FREM2: variants seen among roughly 807,000 people sequenced by gnomAD.
FREM2 encodes FRAS1-related extracellular matrix protein 2.
FREM2 carries 119 observed loss-of-function variants against 219.9 expected under a neutral mutation model. That is an observed-to-expected ratio of 0.54 (90% CI 0.47 to 0.63). The LOEUF is 0.63. Ranked by LOEUF, FREM2 falls within the 30% of genes least tolerant of loss-of-function variation. The pLI, the probability that FREM2 is intolerant of heterozygous loss-of-function variation, is 0.00. For missense variants in FREM2, 4,030 were observed against 3,993.6 expected (o/e 1.01, Z -0.25); for synonymous variants, 1,562 against 1,522.8 (o/e 1.03, Z -0.60).
intron 6 of FREM2, among the ~76,000 whole-genome samples, chr13:38,799,127 C>T (rs1418156855): frequency 6.6e-6 from 1 of 151,746 alleles, no homozygotes; most frequent in Non-Finnish European, 1.5e-5. Flanking sequence ...TATAAACTTC[C>T]CTCTTAGAGC....
chr13:38,733,662 T>A (rs1192835910), intron 2 of FREM2, among the ~76,000 whole-genome samples: 1 of 152,156 alleles, frequency 6.6e-6, no homozygotes, highest in Non-Finnish European at 1.5e-5. Context: ...TTTGTCTTAC[T>A]GTTTATTTTA....
chr13:38,793,859 A>G (rs1029819361), intron 6 of FREM2, among the ~76,000 whole-genome samples: 2 of 152,224 alleles, frequency 1.3e-5, no homozygotes, highest in African/African-American at 4.8e-5. Context: ...CTGAAGGATG[A>G]TGCTTTGGTT....
chr13:38,795,687 G>T (rs1188306615), intron 6 of FREM2, among the ~76,000 whole-genome samples: 3 of 152,044 alleles, frequency 2.0e-5, no homozygotes, highest in Non-Finnish European at 4.4e-5. Context: ...GAGCTAATTT[G>T]TTCTGTATAA....
intron 4 of FREM2, among the ~76,000 whole-genome samples, chr13:38,777,296 G>A (rs1036906611): frequency 3.3e-5 from 5 of 152,154 alleles, no homozygotes; most frequent in African/African-American, 4.8e-5. Flanking sequence ...GCAGTACTTC[G>A]TGTTGCTCTT....
intron 18 of FREM2, 145 bp from the exon 19 acceptor site, chr13:38,875,877 T>G: frequency 2.5e-6 from 2 of 790,766 alleles, no homozygotes; most frequent in African/African-American, 1.7e-5. Context: ...AGGAGGATAA[T>G]TATACTAACC....
rs1869487756 is a variant in FREM2, at chr13:38,687,165, C to T, written c.-180C>T. On this transcript the variant is annotated 5_prime_UTR_variant, in exon 1 of 24. Coordinates refer to ENST00000280481, the MANE Select transcript of FREM2 (RefSeq NM_207361.6). Reference sequence around the variant, plus strand: ...GAAGGCTTCGGCTCCTCGGCTGCGGCTCCAGCCCGGACGGCGCCGCGCAAC... The same window carrying T: ...GAAGGCTTCGGCTCCTCGGCTGCGGTTCCAGCCCGGACGGCGCCGCGCAAC... 4 of 829,456 alleles carry T rather than the reference C, an allele frequency of 4.8e-6. No individual in the cohort carries two copies. In the South Asian group the frequency reaches 7.0e-5, roughly 14 times the overall value. 51.4% of individuals were successfully genotyped at this position (829,456 alleles called of 1,614,324 possible).
intron 2 of FREM2, among the ~76,000 whole-genome samples, chr13:38,731,190 T>C (rs1454499197): frequency 1.3e-5 from 2 of 152,192 alleles, no homozygotes; most frequent in African/African-American, 4.8e-5. Flanking sequence ...TTCTAGAAAA[T>C]GTAGCCTGTG....
rs1472414449 is a variant in FREM2, at chr13:38,885,879, T to C, written c.*5092T>C. ...AAATATCACATGTATGTAGTTCTTT[T>C]GGATGACCGAATACCTTAAAATGAA... On this transcript the variant is annotated 3_prime_UTR_variant, in exon 24 of 24. Coordinates refer to ENST00000280481, the MANE Select transcript of FREM2 (RefSeq NM_207361.6). 6.6e-6 allele frequency: 1 copy of C among 152,228 alleles called. No homozygotes were observed. Among genetic ancestry groups the C allele is most frequent in the Non-Finnish European group, 1.5e-5 (1 of 68,032 alleles). 9.4% of individuals were successfully genotyped at this position (152,228 alleles called of 1,614,324 possible). A position where few individuals can be genotyped will look rare whatever the true frequency, so the allele number is the denominator to read the frequency against.
chr13:38,745,355 A>G (rs1872422274), intron 2 of FREM2, among the ~76,000 whole-genome samples: 1 of 152,160 alleles, frequency 6.6e-6, no homozygotes, highest in African/African-American at 2.4e-5. Flanking sequence ...CCTGAGACAC[A>G]TTTTGTTTAA....
intron 2 of FREM2, among the ~76,000 whole-genome samples, chr13:38,724,783 C>T (rs1249498801): frequency 1.3e-5 from 2 of 152,156 alleles, no homozygotes; most frequent in Non-Finnish European, 2.9e-5. Context: ...CTGCAGCACA[C>T]TAGCCCCCTA....
rs185086095 is a variant in FREM2, at chr13:38,827,386, T to C, written c.6020-19187T>C. On this transcript the variant is annotated intron_variant, in intron 6 of 23. Coordinates refer to ENST00000280481, the MANE Select transcript of FREM2 (RefSeq NM_207361.6). ...AATATTAATATTACATTAACTATGATGTTAAGTGGTGTGTTCTCACATACC... is the reference window on the plus strand; with the variant it reads ...AATATTAATATTACATTAACTATGACGTTAAGTGGTGTGTTCTCACATACC... The C allele has an allele frequency of 8.5e-5, 13 of 152,224 alleles. No homozygotes were observed. In the East Asian group the frequency reaches 2.1e-3, roughly 25 times the overall value. The allele number at this position is 152,224 out of a possible 1,614,324, so 9.4% of individuals were successfully genotyped here.
intron 2 of FREM2, among the ~76,000 whole-genome samples, chr13:38,762,917 A>T (rs993939713): frequency 1.3e-5 from 2 of 152,142 alleles, no homozygotes; most frequent in African/African-American, 4.8e-5. Flanking sequence ...CAACAATTTC[A>T]TATTTATTGT....
chr13:38,791,229 G>A (rs144167319), intron 6 of FREM2, among the ~76,000 whole-genome samples: 142 of 152,226 alleles, frequency 9.3e-4, no homozygotes, highest in African/African-American at 3.3e-3. Flanking sequence ...AAAACTCTTC[G>A]TCGATATGCT....
intron 6 of FREM2, among the ~76,000 whole-genome samples, chr13:38,792,459 T>C (rs2137840165): frequency 6.6e-6 from 1 of 152,326 alleles, no homozygotes; most frequent in South Asian, 2.1e-4. Context: ...TGGTATTAGT[T>C]ACCTGCAGTA....
At chr13:38,736,823 T>C (rs192110838) in intron 2 of FREM2, among the ~76,000 whole-genome samples, 3 of 152,352 alleles carry the variant, frequency 2.0e-5, no homozygotes, top group East Asian at 3.9e-4. Context: ...GTGTTAACTT[T>C]TAGTGAAAGA....
At chr13:38,769,502 CA>C in intron 3 of FREM2, 75 bp from the exon 4 acceptor site, 3 of 1,344,350 alleles carry the variant, frequency 2.2e-6, no homozygotes, top group Non-Finnish European at 3.1e-6. Context: ...AAATGACATG[CA>C]AAAAGTTAAC....
chr13:38,765,950 T>C (rs542963330), intron 3 of FREM2, among the ~76,000 whole-genome samples: 1 of 152,308 alleles, frequency 6.6e-6, no homozygotes, highest in South Asian at 2.1e-4. Flanking sequence ...TCTGTGCACA[T>C]GTGCACATCC....
chr13:38,864,622 A>G lies in FREM2; in HGVS notation c.7983+16A>G. 1.2e-6 allele frequency: 2 copies of G among 1,608,584 alleles called. No individual in the cohort carries two copies. Among genetic ancestry groups the G allele is most frequent in the Non-Finnish European group, 1.7e-6 (2 of 1,174,966 alleles). On this transcript the variant is annotated intron_variant, in intron 16 of 23. Coordinates refer to ENST00000280481, the MANE Select transcript of FREM2 (RefSeq NM_207361.6). ...AGATGGACAGGTACAGATTTATAAC[A>G]TCTGAGTTTGGTCACTGGATAAACC...
intron 3 of FREM2, among the ~76,000 whole-genome samples, chr13:38,765,321 C>T (rs1289846796): frequency 1.3e-5 from 2 of 152,162 alleles, no homozygotes; most frequent in Non-Finnish European, 2.9e-5. Context: ...ATAAAAATGG[C>T]AGCACCTGAA....
Sources: gnomAD v4.1 joint callset for allele counts (sites outside exome capture counted in the v4.1 genomes callset) on GRCh38, gnomAD v4.1.1 for gene constraint, MANE v1.5 for transcripts, NCBI Gene and HGNC (gene_info 2026-07-23, HGNC 2026-07-21) for gene names.